Variants in MYH10 observed in about 807,000 individuals in gnomAD.
The protein encoded by MYH10 is myosin heavy chain 10, also known as myosin-10.
A neutral mutation model predicts 257.8 loss-of-function variants in MYH10; 55 were observed. The observed-to-expected ratio is 0.21, with a 90% CI of 0.17 to 0.27. The LOEUF (loss-of-function observed/expected upper bound fraction) is 0.27. MYH10 is among the 10% of genes least tolerant of loss of function. MYH10 has a pLI of 1.00. For missense variants in MYH10, 1,631 were observed against 2,500.6 expected, an observed-to-expected ratio of 0.65 and a Z score of 7.42; for synonymous variants, 854 against 921.7, an observed-to-expected ratio of 0.93 and a Z score of 1.33.
At chr17:8,501,014 G>T (rs1295809358) in intron 28 of MYH10, 44 bp from the exon 29 acceptor site, 2 of 1,552,244 alleles carry the variant, frequency 1.3e-6, no homozygotes, top group Non-Finnish European at 8.7e-7. Flanking sequence ...TTAGCTGACT[G>T]ATTAAAAACA....
At chr17:8,613,172 A>T (rs1291892582) in intron 2 of MYH10, among the ~76,000 whole-genome samples, 1 of 152,108 alleles carries the variant, frequency 6.6e-6, no homozygotes, top group Non-Finnish European at 1.5e-5. Context: ...GCAGAACCCG[A>T]TGCAATGGCA....
rs1412077601 is a variant in MYH10 at position 8,500,892 on chromosome 17, C to T, written c.3678G>A (p.Gln1226=). 7 of 1,614,004 alleles carry T rather than the reference C, an allele frequency of 4.3e-6. No individual in the cohort carries two copies. The highest frequency in any genetic ancestry group is 3.3e-5 in the Admixed American group (2 of 59,996). The change falls in exon 29 of 43, where the codon CAG becomes CAA. Residue 1226 remains glutamine (Q), a synonymous_variant. Transcript: ENST00000360416. ...CTGTTGCGTGTCTTTGTCTCATGTC[C>T]TGGATTTGAGCTTCATGGTTCTTAG... The part of the protein sequence containing the change: ...EETKNHEAQI[Q]DMRQRHATAL...
intron 3 of MYH10, among the ~76,000 whole-genome samples, chr17:8,591,380 G>T (rs1236244435): frequency 2.0e-5 from 3 of 152,136 alleles, no homozygotes; most frequent in Non-Finnish European, 4.4e-5. Flanking sequence ...AGATAATGGG[G>T]CCTGGAATCT....
intron 37 of MYH10, among the ~76,000 whole-genome samples, chr17:8,483,518 A>C (rs1252167898): frequency 6.6e-6 from 1 of 152,178 alleles, no homozygotes; most frequent in Non-Finnish European, 1.5e-5. Context: ...AGGTGTTTGT[A>C]TTGGGAGTTT....
chr17:8,607,392 C>G (rs952028570), intron 2 of MYH10, among the ~76,000 whole-genome samples: 2 of 152,162 alleles, frequency 1.3e-5, no homozygotes, highest in African/African-American at 4.8e-5. Context: ...GCATTAGGTA[C>G]TTACCTGAGG....
At chr17:8,564,538 A>G (rs554860193) in intron 7 of MYH10, among the ~76,000 whole-genome samples, 4 of 152,190 alleles carry the variant, frequency 2.6e-5, no homozygotes, top group Non-Finnish European at 5.9e-5. Context: ...CGAGCTCAAC[A>G]ACATCATGAC....
chr17:8,602,048 T>G (rs931523307), intron 3 of MYH10, among the ~76,000 whole-genome samples: 6 of 150,072 alleles, frequency 4.0e-5, no homozygotes, highest in African/African-American at 1.5e-4. Flanking sequence ...CGATCTCGGC[T>G]CACTGCAAAC....
intron 7 of MYH10, among the ~76,000 whole-genome samples, chr17:8,562,533 G>A (rs1310413759): frequency 2.0e-5 from 3 of 152,182 alleles, no homozygotes; most frequent in Non-Finnish European, 4.4e-5. Context: ...AGAAATCTGT[G>A]CCGAAAATGC....
At chr17:8,622,848 T>A in intron 2 of MYH10, 54 bp downstream of exon 2, 1 of 1,563,692 alleles carries the variant, frequency 6.4e-7, no homozygotes, top group Non-Finnish European at 8.7e-7. Flanking sequence ...AGATGTATAA[T>A]TTACATTAAT....
chr17:8,561,918 T>C lies in MYH10; in HGVS notation c.756+7802A>G, dbSNP rs375589283. Among the ~76,000 whole-genome samples, 6 of 152,060 alleles carry C rather than the reference T, an allele frequency of 3.9e-5. No homozygotes were observed. In the East Asian group the frequency reaches 7.7e-4, roughly 20 times the overall value. Reference sequence around the variant, plus strand: ...GAAAGAAGAGATGCATGGAGAACAATGATGAAGGAGACAGGGCTGCAGGGG... The same window carrying C: ...GAAAGAAGAGATGCATGGAGAACAACGATGAAGGAGACAGGGCTGCAGGGG... On this transcript the variant is annotated intron_variant, in intron 7 of 42. Coordinates refer to ENST00000360416, the MANE Select transcript of MYH10 (RefSeq NM_001256012.3).
chr17:8,493,095 C>G, intron 32 of MYH10, 71 bp from the exon 33 acceptor site: 1 of 1,534,642 alleles, frequency 6.5e-7, no homozygotes, highest in Non-Finnish European at 8.8e-7. Context: ...CATGGTGGCT[C>G]ACGCCTGTAA....
intron 21 of MYH10, among the ~76,000 whole-genome samples, chr17:8,514,520 G>A (rs1168718069): frequency 2.0e-5 from 3 of 151,904 alleles, no homozygotes; most frequent in Non-Finnish European, 4.4e-5. Context: ...ACTACACCCT[G>A]TCACCTCCTC....
chr17:8,612,675 AC>A (rs1213340256), intron 2 of MYH10, among the ~76,000 whole-genome samples: 3 of 151,978 alleles, frequency 2.0e-5, no homozygotes, highest in African/African-American at 7.3e-5. Context: ...ACACGGTGAA[AC>A]CCCGTCTCTA....
At chr17:8,487,762 G>A (rs2151803367) in intron 35 of MYH10, among the ~76,000 whole-genome samples, 168 bp from the exon 36 acceptor site, 1 of 152,150 alleles carries the variant, frequency 6.6e-6, no homozygotes, top group East Asian at 1.9e-4. Context: ...AACCACAGTA[G>A]CTGAATTTTG....
chr17:8,554,241 G>T (rs934469200), intron 7 of MYH10: 95 of 279,314 alleles, frequency 3.4e-4, no homozygotes, highest in Middle Eastern at 2.3e-3. Flanking sequence ...AATAAAATTA[G>T]AAATTATTAA....
intron 7 of MYH10, among the ~76,000 whole-genome samples, chr17:8,564,448 C>T (rs2083097040): frequency 6.6e-6 from 1 of 152,224 alleles, no homozygotes. Context: ...GAGCAACTGC[C>T]TCCCTCATGT....
intron 2 of MYH10, among the ~76,000 whole-genome samples, chr17:8,620,078 A>G (rs2085408638): frequency 1.3e-5 from 2 of 152,220 alleles, no homozygotes; most frequent in Admixed American, 1.3e-4. Flanking sequence ...AGATATAAAC[A>G]ATACAGTTAA....
chr17:8,618,247 TTTTC>T (rs939688169), intron 2 of MYH10, among the ~76,000 whole-genome samples: 1 of 129,928 alleles, frequency 7.7e-6, no homozygotes, highest in African/African-American at 3.8e-5. Flanking sequence ...TAATTTCCTT[TTTTC>T]TTTTTTTTTT....
At chr17:8,502,573 C>G (rs986859121) in intron 28 of MYH10, among the ~76,000 whole-genome samples, 4 of 151,866 alleles carry the variant, frequency 2.6e-5, no homozygotes, top group African/African-American at 4.8e-5. Context: ...GCTGAACAAC[C>G]CCATTTCTTT....
Sources: gnomAD v4.1 joint callset for allele counts (sites outside exome capture counted in the v4.1 genomes callset) on GRCh38, gnomAD v4.1.1 for gene constraint, MANE v1.5 for transcripts, NCBI Gene and HGNC (gene_info 2026-07-23, HGNC 2026-07-21) for gene names.